Variants in SLC25A21 observed in about 807,000 individuals in gnomAD.
SLC25A21 encodes solute carrier family 25 member 21, also known as mitochondrial 2-oxodicarboxylate carrier.
A neutral mutation model predicts 43.8 loss-of-function variants in SLC25A21; 47 were observed. The ratio of observed to expected loss-of-function variants is 1.07; its 90% CI spans 0.85 to 1.37. The LOEUF is 1.37. Ranked by LOEUF, SLC25A21 falls within the 40% of genes most tolerant of loss-of-function variation. SLC25A21 has a pLI of 0.00. For synonymous variants in SLC25A21, 131 were observed against 121.3 expected (o/e 1.08, Z -0.52); for missense variants, 352 against 350.2 (o/e 1.00, Z -0.04).
At chr14:37,082,967 A>C (rs1962417093) in intron 1 of SLC25A21, among the ~76,000 whole-genome samples, 1 of 152,242 alleles carries the variant, frequency 6.6e-6, no homozygotes, top group South Asian at 2.1e-4. Flanking sequence ...ATCTGAACAC[A>C]GCATTAGTAT....
intron 1 of SLC25A21, among the ~76,000 whole-genome samples, chr14:36,998,754 A>C (rs1960425521): frequency 1.3e-5 from 2 of 151,970 alleles, no homozygotes; most frequent in South Asian, 4.2e-4. Flanking sequence ...CTTAACAGAC[A>C]CCTCACTAAA....
At chr14:37,146,662 T>C (rs1963670338) in intron 1 of SLC25A21, among the ~76,000 whole-genome samples, 1 of 152,218 alleles carries the variant, frequency 6.6e-6, no homozygotes, top group South Asian at 2.1e-4. Flanking sequence ...CAACAATTAG[T>C]ATTATGCATT....
chr14:36,839,649 T>C (rs865874), intron 2 of SLC25A21, among the ~76,000 whole-genome samples: 1 of 151,972 alleles, frequency 6.6e-6, no homozygotes, highest in African/African-American at 2.4e-5. Context: ...AGATCAAGGC[T>C]TATCTGCAGT....
intron 3 of SLC25A21, among the ~76,000 whole-genome samples, chr14:36,765,890 C>G (rs1886394577): frequency 6.6e-6 from 1 of 152,196 alleles, no homozygotes; most frequent in African/African-American, 2.4e-5. Context: ...TCCTACCTAT[C>G]TGGACTGCCC....
chr14:36,906,939 C>A (rs139832989), intron 1 of SLC25A21, among the ~76,000 whole-genome samples: 223 of 152,298 alleles, frequency 1.5e-3, no homozygotes, highest in African/African-American at 4.3e-3. Flanking sequence ...TGGACAGCTC[C>A]TGTCTCTGCC....
chr14:37,144,548 G>C (rs1963626410), intron 1 of SLC25A21, among the ~76,000 whole-genome samples: 1 of 152,170 alleles, frequency 6.6e-6, no homozygotes, highest in South Asian at 2.1e-4. Context: ...TCCATTTTCA[G>C]GGGTGGCAGA....
chr14:36,957,511 G>A (rs8020345), intron 1 of SLC25A21, among the ~76,000 whole-genome samples: 2,455 of 152,258 alleles, frequency 0.016, 78 homozygotes, highest in African/African-American at 0.056. Flanking sequence ...TACCTCAGTT[G>A]ATCCCCATAG....
At position 37,120,843 on chromosome 14, in the gene SLC25A21, T is replaced by C. The variant is rs186798543; in HGVS notation, c.70+51438A>G. Among the ~76,000 whole-genome samples, 958 of 152,214 alleles carry C rather than the reference T, an allele frequency of 6.3e-3. 9 individuals are homozygous for C. Among genetic ancestry groups the C allele is most frequent in the African/African-American group, 0.02 (822 of 41,526 alleles). Reference sequence around the variant, plus strand: ...ATATATAAATCAGTAAAAAGACACATTCTGCTCCTTGAAGAGAGAGAATGT... The same window carrying C: ...ATATATAAATCAGTAAAAAGACACACTCTGCTCCTTGAAGAGAGAGAATGT... On this transcript the variant is annotated intron_variant, in intron 1 of 9. Coordinates refer to ENST00000331299, the MANE Select transcript of SLC25A21 (RefSeq NM_030631.4).
At chr14:36,729,593 T>A (rs1884739910) in intron 4 of SLC25A21, 27 bp from the exon 5 acceptor site, 1 of 1,582,988 alleles carries the variant, frequency 6.3e-7, no homozygotes, top group East Asian at 2.2e-5. Flanking sequence ...AACTCACAGA[T>A]TTATAACAAT....
intron 5 of SLC25A21, among the ~76,000 whole-genome samples, chr14:36,727,692 A>AAAAAAAAAAAAAG (rs1442719971): frequency 6.6e-6 from 1 of 152,162 alleles, no homozygotes; most frequent in African/African-American, 2.4e-5. Flanking sequence ...TGTCTCAAAA[A>AAAAAAAAAAAAAG]AAAAGAAAAA....
intron 2 of SLC25A21, among the ~76,000 whole-genome samples, chr14:36,850,169 G>C (rs1008189461): frequency 6.6e-6 from 1 of 152,168 alleles, no homozygotes; most frequent in African/African-American, 2.4e-5. Flanking sequence ...CCATGGGAAA[G>C]GGGAAGGAGT....
rs373046062 is a variant in SLC25A21 at position 36,928,446 on chromosome 14, G to A, written c.71-53442C>T. On this transcript the variant is annotated intron_variant, in intron 1 of 9. Transcript: ENST00000331299. ...TTCTAAGTAGAGTGATTTTTTTTTT[G>A]TTTTGTTTTAAATAATGGAAGCACT... Among the ~76,000 whole-genome samples the A allele has an allele frequency of 3.4e-5, 5 of 148,448 alleles. No homozygotes were observed. In the South Asian group the frequency reaches 1.1e-3, roughly 32 times the overall value.
At chr14:36,875,481 C>T (rs564920289) in intron 1 of SLC25A21, among the ~76,000 whole-genome samples, 1 of 152,230 alleles carries the variant, frequency 6.6e-6, no homozygotes, top group Non-Finnish European at 1.5e-5. Context: ...CCTCTTCTCT[C>T]CCAAGGTAGT....
At chr14:36,771,870 A>G (rs766650366) in intron 3 of SLC25A21, among the ~76,000 whole-genome samples, 56 of 152,150 alleles carry the variant, frequency 3.7e-4, no homozygotes, top group Non-Finnish European at 6.8e-4. Flanking sequence ...AAAAAACTCC[A>G]TCTTCTCATT....
At chr14:37,107,461 A>G (rs1566886711) in intron 1 of SLC25A21, among the ~76,000 whole-genome samples, 1 of 152,064 alleles carries the variant, frequency 6.6e-6, no homozygotes, top group Non-Finnish European at 1.5e-5. Context: ...GGGATTACAG[A>G]TGTAAGCTAC....
chr14:36,732,083 T>C (rs1022266810), intron 4 of SLC25A21, among the ~76,000 whole-genome samples: 1 of 152,120 alleles, frequency 6.6e-6, no homozygotes, highest in African/African-American at 2.4e-5. Flanking sequence ...CCACCAGGAG[T>C]GGAAGTCTTG....
At chr14:36,882,387 A>C (rs1437341130) in intron 1 of SLC25A21, among the ~76,000 whole-genome samples, 1 of 152,144 alleles carries the variant, frequency 6.6e-6, no homozygotes, top group Non-Finnish European at 1.5e-5. Flanking sequence ...TGTCTCAAAA[A>C]ATAAAAAATA....
At chr14:36,772,376 C>T (rs1166420777) in intron 3 of SLC25A21, among the ~76,000 whole-genome samples, 1 of 152,196 alleles carries the variant, frequency 6.6e-6, no homozygotes, top group South Asian at 2.1e-4. Context: ...TTTGCACAGG[C>T]TTCTGGCTTT....
chr14:37,018,123 T>C (rs1288364806), intron 1 of SLC25A21, among the ~76,000 whole-genome samples: 1 of 152,022 alleles, frequency 6.6e-6, no homozygotes, highest in East Asian at 1.9e-4. Context: ...GGAATCCCCA[T>C]GGTATTTTTT....
Sources: gnomAD v4.1 joint callset for allele counts (sites outside exome capture counted in the v4.1 genomes callset) on GRCh38, gnomAD v4.1.1 for gene constraint, MANE v1.5 for transcripts, NCBI Gene and HGNC (gene_info 2026-07-23, HGNC 2026-07-21) for gene names.